The following HMCN1 variants were observed in gnomAD, a reference collection of about 807,000 sequenced individuals.
HMCN1 encodes the protein hemicentin-1.
HMCN1 carries 321 observed loss-of-function variants against 625.9 expected under a neutral mutation model. That is an observed-to-expected ratio of 0.51 (90% CI 0.47 to 0.56). HMCN1 has a LOEUF of 0.56. HMCN1 is among the 20% of genes least tolerant of loss of function. The probability of loss-of-function intolerance (pLI) is 0.00; values close to 1 mark genes in which losing one functional copy is unlikely to be tolerated. For missense variants in HMCN1, 6,588 were observed against 6,887.3 expected (o/e 0.96, Z 1.54); for synonymous variants, 2,425 against 2,417.6 (o/e 1.00, Z -0.09).
chr1:185,990,052 T>C (rs1652314266), intron 21 of HMCN1, among the ~76,000 whole-genome samples: 1 of 152,212 alleles, frequency 6.6e-6, no homozygotes, highest in African/African-American at 2.4e-5. Context: ...GCAGCTGATC[T>C]CTTCATTGTG....
At chr1:186,163,033 G>A (rs1044213336) in intron 97 of HMCN1, among the ~76,000 whole-genome samples, 1 of 152,224 alleles carries the variant, frequency 6.6e-6, no homozygotes, top group Admixed American at 6.5e-5. Context: ...AGGCAGGCAG[G>A]CGTCCTTGAG....
At chr1:185,964,040 AT>A in intron 13 of HMCN1, 145 bp downstream of exon 13, 4 of 717,402 alleles carry the variant, frequency 5.6e-6, no homozygotes, top group Non-Finnish European at 7.0e-6. Context: ...ATTGAAGCAA[AT>A]ATTGTAACCA....
intron 81 of HMCN1, among the ~76,000 whole-genome samples, chr1:186,123,961 G>A (rs1661520581): frequency 6.6e-6 from 1 of 151,868 alleles, no homozygotes; most frequent in Non-Finnish European, 1.5e-5. Flanking sequence ...AATTTTGAGT[G>A]GAAACATTTT....
chr1:186,036,189 GTGC>G (rs1295138197), intron 36 of HMCN1, among the ~76,000 whole-genome samples: 1 of 151,764 alleles, frequency 6.6e-6, no homozygotes. Flanking sequence ...GTTTTTATTT[GTGC>G]TCCTTATCCA....
Position 186,015,300 on chromosome 1 carries a change from G to T in HMCN1, c.4772G>T (p.Ser1591Ile). 1 of 1,613,756 alleles carries T rather than the reference G, an allele frequency of 6.2e-7. No individual in the cohort carries two copies. The highest frequency in any genetic ancestry group is 1.1e-5 in the South Asian group (1 of 91,078). ...WYKDGQPIMS[S>I]SQALYIDKGQ... The stretch of plus-strand genomic sequence containing the variant: ...AAGGACGGGCAGCCAATCATGTCCA[G>T]CTCACAAGCACTTTATATTGATAAA... The change falls in exon 31 of 107, where the codon AGC becomes ATC. Residue 1591 changes from serine (S) to isoleucine (I), a missense_variant. Ser to Ile is a moderately radical substitution (Grantham distance 142, BLOSUM62 -2). This residue lies in a region of HMCN1 where 4,628 missense variants were observed against 4,853.1 expected (regional missense o/e 0.95). Coordinates refer to ENST00000271588, the MANE Select transcript of HMCN1 (RefSeq NM_031935.3).
chr1:185,827,201 C>T (rs1313745520), intron 1 of HMCN1, among the ~76,000 whole-genome samples: 2 of 146,052 alleles, frequency 1.4e-5, no homozygotes, highest in Non-Finnish European at 3.0e-5. Flanking sequence ...AAAAAAATTG[C>T]AAGAAAAATA....
intron 36 of HMCN1, among the ~76,000 whole-genome samples, chr1:186,037,478 A>G (rs1424369463): frequency 1.3e-5 from 2 of 152,164 alleles, no homozygotes; most frequent in Non-Finnish European, 2.9e-5. Flanking sequence ...GCCAAAAACC[A>G]CACAAAAGTT....
intron 52 of HMCN1, among the ~76,000 whole-genome samples, chr1:186,072,393 G>A (rs1196813141): frequency 6.6e-6 from 1 of 152,104 alleles, no homozygotes; most frequent in Admixed American, 6.6e-5. Context: ...TGTTAATAAT[G>A]ATTAATTGCA....
At chr1:186,063,103 T>TATATATATATATATAA (rs1657859128) in intron 48 of HMCN1, among the ~76,000 whole-genome samples, 1 of 130,056 alleles carries the variant, frequency 7.7e-6, no homozygotes, top group African/African-American at 2.9e-5. Context: ...TATATATATA[T>TATATATATATATATAA]CACATTTTCA....
intron 19 of HMCN1, among the ~76,000 whole-genome samples, chr1:185,987,226 TA>T (rs1431035236): frequency 6.6e-6 from 1 of 152,242 alleles, no homozygotes; most frequent in African/African-American, 2.4e-5. Context: ...TTTAAGTTTT[TA>T]TTTCATTTTT....
intron 49 of HMCN1, among the ~76,000 whole-genome samples, chr1:186,065,845 A>AT (rs1315943578): frequency 2.0e-5 from 3 of 152,112 alleles, no homozygotes; most frequent in Admixed American, 6.6e-5. Flanking sequence ...GTCTGTTGGT[A>AT]TGTTCAGTTC....
At chr1:185,929,028 GTTA>G (rs1013124704) in intron 10 of HMCN1, among the ~76,000 whole-genome samples, 73 of 150,404 alleles carry the variant, frequency 4.9e-4, no homozygotes, top group African/African-American at 1.8e-3. Context: ...TATTATTATT[GTTA>G]TTATCATTAT....
chr1:185,901,735 A>G (rs900779703), intron 4 of HMCN1, among the ~76,000 whole-genome samples: 2 of 151,770 alleles, frequency 1.3e-5, no homozygotes, highest in South Asian at 2.1e-4. Context: ...TTTGGGTTCA[A>G]TACATGTGTA....
intron 35 of HMCN1, 28 bp from the exon 36 acceptor site, chr1:186,023,002 A>G (rs776617753): frequency 1.2e-6 from 2 of 1,611,174 alleles, no homozygotes; most frequent in Non-Finnish European, 8.5e-7. Flanking sequence ...AGATACAAAA[A>G]TCCTCTGTGC....
chr1:186,183,437 G>C (rs1396225577), intron 105 of HMCN1, among the ~76,000 whole-genome samples: 1 of 152,184 alleles, frequency 6.6e-6, no homozygotes, highest in Non-Finnish European at 1.5e-5. Flanking sequence ...GATGAAACAT[G>C]AAGTTGAGTA....
intron 1 of HMCN1, among the ~76,000 whole-genome samples, chr1:185,828,614 C>T (rs71634147): frequency 0.056 from 8,485 of 152,104 alleles, 320 homozygotes; most frequent in Middle Eastern, 0.13. Flanking sequence ...CACAATACTT[C>T]TTTTCAAGTA....
At chr1:186,059,252 A>T (rs1657532306) in intron 46 of HMCN1, among the ~76,000 whole-genome samples, 1 of 152,046 alleles carries the variant, frequency 6.6e-6, no homozygotes, top group Non-Finnish European at 1.5e-5. Flanking sequence ...AATGACAAAG[A>T]TTGTATTAAA....
intron 52 of HMCN1, among the ~76,000 whole-genome samples, chr1:186,073,480 G>GT (rs975039220): frequency 1.3e-5 from 2 of 152,012 alleles, no homozygotes; most frequent in African/African-American, 2.4e-5. Context: ...TTTTGTTTTT[G>GT]TTTTTTTAGG....
At position 186,057,372 on chromosome 1, in the gene HMCN1, GC is replaced by G; in HGVS notation, c.7285del (p.Ser2430AlafsTer4). The G allele has an allele frequency of 6.2e-7, 1 of 1,610,594 alleles. No individual in the cohort carries two copies. Among genetic ancestry groups the G allele is most frequent in the African/African-American group, 1.3e-5 (1 of 74,848 alleles). On this transcript the variant is annotated frameshift_variant, in exon 46 of 107. Transcript: ENST00000271588. LOFTEE classifies it high-confidence loss of function. Reference sequence around the variant, plus strand: ...TGGTTCAAAGATGGGTGGCCTGTCAGCCTTAGCAATTCTGTGAGGATTCTTT... The same window carrying G: ...TGGTTCAAAGATGGGTGGCCTGTCAGCTTAGCAATTCTGTGAGGATTCTTT... ...ITWFKDGWPV[S>X]LSNSVRILSG...
Sources: allele counts gnomAD v4.1 joint callset (sites outside exome capture counted in the v4.1 genomes callset), GRCh38; gene constraint gnomAD v4.1.1; regional missense constraint gnomAD v4.1.1; transcripts MANE v1.5; gene names NCBI Gene and HGNC (gene_info 2026-07-23, HGNC 2026-07-21).